FHOD3: variants seen among roughly 807,000 people sequenced by gnomAD.
FHOD3 encodes the protein FH1/FH2 domain-containing protein 3.
In FHOD3, 90 loss-of-function variants were observed where a neutral mutation model predicts 173.0. The ratio of observed to expected loss-of-function variants is 0.52; its 90% CI spans 0.44 to 0.62. The LOEUF (loss-of-function observed/expected upper bound fraction) is 0.62. Among genes scored for constraint, FHOD3 ranks in the 20% least tolerant of loss-of-function variants. FHOD3 has a pLI of 0.00. For missense variants in FHOD3, 1,945 were observed against 2,034.7 expected, an observed-to-expected ratio of 0.96 and a Z score of 0.85; for synonymous variants, 828 against 823.0, an observed-to-expected ratio of 1.01 and a Z score of -0.10.
chr18:36,574,639 G>A (rs2058579757), intron 5 of FHOD3, among the ~76,000 whole-genome samples: 1 of 151,658 alleles, frequency 6.6e-6, no homozygotes, highest in Non-Finnish European at 1.5e-5. Context: ...TTTTTTTATT[G>A]TATCTATAAT....
chr18:36,406,077 T>TTTTTTG (rs1246347431), intron 3 of FHOD3, among the ~76,000 whole-genome samples: 2 of 137,600 alleles, frequency 1.5e-5, no homozygotes, highest in African/African-American at 5.5e-5. Flanking sequence ...GCCTTGCCTG[T>TTTTTTG]TTTTTGTTTT....
intron 18 of FHOD3, among the ~76,000 whole-genome samples, chr18:36,714,972 G>C (rs937560421): frequency 6.6e-6 from 1 of 152,092 alleles, no homozygotes; most frequent in Non-Finnish European, 1.5e-5. Flanking sequence ...CACCCTCCAC[G>C]TGTTTGAGGG....
intron 3 of FHOD3, among the ~76,000 whole-genome samples, chr18:36,447,770 G>A (rs1363946710): frequency 6.6e-6 from 1 of 152,180 alleles, no homozygotes; most frequent in Non-Finnish European, 1.5e-5. Flanking sequence ...TCAACTTCAT[G>A]GAATATCATG....
At chr18:36,570,829 A>T (rs1433396137) in intron 5 of FHOD3, among the ~76,000 whole-genome samples, 2 of 152,176 alleles carry the variant, frequency 1.3e-5, no homozygotes. Context: ...ATGATTTACA[A>T]AAAGCTCTTA....
rs186252077 is a variant in FHOD3, at chr18:36,481,434, G to A, written c.338-20498G>A. Among the ~76,000 whole-genome samples the A allele has an allele frequency of 1.8e-3, 258 of 139,540 alleles. 1 individual carries two copies. Among genetic ancestry groups the A allele is most frequent in the African/African-American group, 6.5e-3 (242 of 37,250 alleles). The allele number at this position is 139,540 out of a possible 152,430, so 91.5% of individuals were successfully genotyped here. On this transcript the variant is annotated intron_variant, in intron 3 of 28. Transcript: ENST00000590592. ...TTAAGTTGCTGTAAAGTGGGGGCTG[G>A]GGAAAAGGCAGACAACTTTTTTTTT...
At chr18:36,762,227 GAGA>G (rs1215750013) in intron 27 of FHOD3, among the ~76,000 whole-genome samples, 6 of 152,146 alleles carry the variant, frequency 3.9e-5, no homozygotes, top group Non-Finnish European at 8.8e-5. Flanking sequence ...GAGTTTTCTT[GAGA>G]AGAAGGTGAG....
chr18:36,358,791 C>A (rs940483935), intron 2 of FHOD3, among the ~76,000 whole-genome samples: 3 of 152,130 alleles, frequency 2.0e-5, no homozygotes, highest in African/African-American at 7.2e-5. Flanking sequence ...TTCTCCTGCT[C>A]TGGCTAATTT....
intron 3 of FHOD3, among the ~76,000 whole-genome samples, chr18:36,408,402 G>A (rs1158027281): frequency 6.6e-6 from 1 of 152,140 alleles, no homozygotes; most frequent in Non-Finnish European, 1.5e-5. Context: ...TGTTTGAGAA[G>A]CTAAGGGGTT....
chr18:36,720,071 CA>C (rs1404831337), intron 19 of FHOD3, among the ~76,000 whole-genome samples: 1 of 152,008 alleles, frequency 6.6e-6, no homozygotes, highest in East Asian at 1.9e-4. Context: ...AAATCATGCC[CA>C]ATCAGTCCTG....
At chr18:36,335,020 G>A (rs1241186202) in intron 1 of FHOD3, among the ~76,000 whole-genome samples, 1 of 152,174 alleles carries the variant, frequency 6.6e-6, no homozygotes, top group Non-Finnish European at 1.5e-5. Context: ...CCTACCCCTT[G>A]TGGCCTTGGG....
rs555913090 is a variant in FHOD3 at position 36,389,648 on chromosome 18, C to G, written c.337+16904C>G. The stretch of plus-strand genomic sequence containing the variant: ...ATATGTGCTCTCTCTATGTATAGAC[C>G]CTAAAATGACGTAATATGGATTTTC... On this transcript the variant is annotated intron_variant, in intron 3 of 28. Transcript: ENST00000590592. Among the ~76,000 whole-genome samples the G allele has an allele frequency of 1.8e-4, 27 of 152,166 alleles. No individual in the cohort carries two copies. The South Asian group carries it at 5.4e-3, about 30-fold the overall frequency.
chr18:36,706,805 T>A (rs2039906795), intron 17 of FHOD3, among the ~76,000 whole-genome samples: 1 of 152,338 alleles, frequency 6.6e-6, no homozygotes, highest in East Asian at 1.9e-4. Context: ...CAATTAAAAC[T>A]TCAGTCCATG....
chr18:36,686,102 G>A (rs548671851), intron 15 of FHOD3, among the ~76,000 whole-genome samples: 1 of 152,022 alleles, frequency 6.6e-6, no homozygotes, highest in Non-Finnish European at 1.5e-5. Flanking sequence ...CGATTACTGG[G>A]TATATACCCA....
At chr18:36,752,883 A>C (rs1009983098) in intron 24 of FHOD3, among the ~76,000 whole-genome samples, 5 of 152,226 alleles carry the variant, frequency 3.3e-5, no homozygotes, top group Non-Finnish European at 5.9e-5. Context: ...TTCTCCCCTC[A>C]AATCTTCCTG....
At chr18:36,491,931 G>A (rs933287679) in intron 3 of FHOD3, among the ~76,000 whole-genome samples, 1 of 152,124 alleles carries the variant, frequency 6.6e-6, no homozygotes, top group Non-Finnish European at 1.5e-5. Flanking sequence ...TTATGAATAT[G>A]GATATGATTT....
chr18:36,601,308 CA>C (rs1304616591), intron 7 of FHOD3, among the ~76,000 whole-genome samples: 2 of 152,210 alleles, frequency 1.3e-5, no homozygotes, highest in Non-Finnish European at 2.9e-5. Context: ...TATTGAGCTA[CA>C]TTTGTGCCTT....
chr18:36,722,263 A>T (rs972478934), intron 19 of FHOD3, among the ~76,000 whole-genome samples: 1 of 152,176 alleles, frequency 6.6e-6, no homozygotes, highest in Non-Finnish European at 1.5e-5. Context: ...GAAAGCCCTG[A>T]GACTTCCTTG....
chr18:36,431,430 C>T (rs933977460), intron 3 of FHOD3, among the ~76,000 whole-genome samples: 9 of 152,190 alleles, frequency 5.9e-5, no homozygotes, highest in African/African-American at 2.2e-4. Context: ...GTGTGCAAGC[C>T]TGTTTCCATC....
intron 3 of FHOD3, among the ~76,000 whole-genome samples, chr18:36,446,201 C>A (rs1711632664): frequency 6.6e-6 from 1 of 152,180 alleles, no homozygotes; most frequent in African/African-American, 2.4e-5. Flanking sequence ...CTGTGGTCCT[C>A]CACGGCTGGC....
Sources: allele counts gnomAD v4.1 joint callset (sites outside exome capture counted in the v4.1 genomes callset), GRCh38; gene constraint gnomAD v4.1.1; transcripts MANE v1.5; gene names NCBI Gene and HGNC (gene_info 2026-07-23, HGNC 2026-07-21).